Variants in CTNND2 observed in about 807,000 individuals in gnomAD.
The protein encoded by CTNND2 is catenin delta-2.
In CTNND2, 22 loss-of-function variants were observed where a neutral mutation model predicts 144.4. The ratio of observed to expected loss-of-function variants is 0.15; its 90% CI spans 0.11 to 0.22. The LOEUF (loss-of-function observed/expected upper bound fraction) is 0.22, where lower values mean the gene tolerates loss of function less well. Ranked by LOEUF, CTNND2 falls within the 10% of genes least tolerant of loss-of-function variation. The pLI is 1.00. For missense variants in CTNND2, 1,353 were observed against 1,618.8 expected (o/e 0.84, Z 2.82); for synonymous variants, 751 against 695.6 (o/e 1.08, Z -1.25).
At chr5:11,641,346 C>T (rs1016150551) in intron 2 of CTNND2, among the ~76,000 whole-genome samples, 4 of 151,970 alleles carry the variant, frequency 2.6e-5, no homozygotes, top group Non-Finnish European at 5.9e-5. Context: ...GGATAAACCA[C>T]ACTCTAATCT....
chr5:11,662,150 T>TATATATGTGTATATATAC (rs1783259419), intron 2 of CTNND2, among the ~76,000 whole-genome samples: 2 of 113,170 alleles, frequency 1.8e-5, no homozygotes, highest in African/African-American at 9.3e-5. Context: ...TATATACACA[T>TATATATGTGTATATATAC]ATATATGTGT....
At chr5:11,178,052 C>G in intron 11 of CTNND2, among the ~76,000 whole-genome samples, 1 of 152,150 alleles carries the variant, frequency 6.6e-6, no homozygotes. Flanking sequence ...GAAGAAGACA[C>G]AAAGTTGGCT....
chr5:11,902,472 C>T (rs1016865117), intron 1 of CTNND2, among the ~76,000 whole-genome samples: 4 of 152,124 alleles, frequency 2.6e-5, no homozygotes, highest in Admixed American at 2.0e-4. Context: ...GAATGACCAG[C>T]AGCAGAGACC....
intron 2 of CTNND2, among the ~76,000 whole-genome samples, chr5:11,729,828 T>C (rs1300629066): frequency 6.6e-6 from 1 of 152,180 alleles, no homozygotes; most frequent in Non-Finnish European, 1.5e-5. Flanking sequence ...CCTCCAAGCC[T>C]TAACTCTTAC....
rs938760512 is a variant in CTNND2, at chr5:11,220,156, T to C, written c.1761+16535A>G. On this transcript the variant is annotated intron_variant, in intron 10 of 21. Transcript: ENST00000304623. Reference sequence around the variant, plus strand: ...GGAAACATTTAACTCCTGGTATGCTTCTCCATCACCTGTGAAGATGGTAAA... The same window carrying C: ...GGAAACATTTAACTCCTGGTATGCTCCTCCATCACCTGTGAAGATGGTAAA... Among the ~76,000 whole-genome samples, 3 of 152,130 alleles carry C rather than the reference T, an allele frequency of 2.0e-5. No individual in the cohort carries two copies. In the East Asian group the frequency reaches 5.8e-4, roughly 29 times the overall value.
chr5:11,281,900 T>C (rs1747165792), intron 9 of CTNND2, among the ~76,000 whole-genome samples: 1 of 152,216 alleles, frequency 6.6e-6, no homozygotes, highest in Admixed American at 6.5e-5. Flanking sequence ...GGCTTTAACA[T>C]ATGAATTTTA....
In CTNND2 at chr5:11,370,451, C is replaced by A. The variant is rs183465522; in HGVS notation, c.1178-5561G>T. On this transcript the variant is annotated intron_variant, in intron 7 of 21. Transcript: ENST00000304623. ...AAGAGGAGATGGGCATATTTATTTTCAAAAAATAAGCATCTAATGTGTTAC... is the reference window on the plus strand; with the variant it reads ...AAGAGGAGATGGGCATATTTATTTTAAAAAAATAAGCATCTAATGTGTTAC... 2.4e-4 allele frequency among the ~76,000 whole-genome samples: 36 copies of A among 152,166 alleles called. No individual in the cohort carries two copies. The East Asian group carries it at 6.7e-3, about 29-fold the overall frequency.
rs561287446 is a variant in CTNND2 at position 11,381,213 on chromosome 5, G to A, written c.1177+3452C>T. On this transcript the variant is annotated intron_variant, in intron 7 of 21. Transcript: ENST00000304623. ...ATAATCACCTCTTGCTTAAATTACT[G>A]CAATCAGCTCCCAACTGACATTCTT... Among the ~76,000 whole-genome samples, 5 of 152,154 alleles carry A rather than the reference G, an allele frequency of 3.3e-5. No individual in the cohort carries two copies. The East Asian group carries it at 7.7e-4, about 24-fold the overall frequency.
At chr5:11,718,935 T>C (rs527692654) in intron 2 of CTNND2, among the ~76,000 whole-genome samples, 1 of 152,330 alleles carries the variant, frequency 6.6e-6, no homozygotes, top group South Asian at 2.1e-4. Flanking sequence ...TACTGCTTAA[T>C]TGTCTAAGAG....
intron 21 of CTNND2, among the ~76,000 whole-genome samples, chr5:10,974,426 A>G (rs1736197083): frequency 6.6e-6 from 1 of 152,234 alleles, no homozygotes; most frequent in African/African-American, 2.4e-5. Flanking sequence ...GTATGCATAG[A>G]CCACATTTTA....
At chr5:11,848,987 T>G (rs1794884766) in intron 1 of CTNND2, among the ~76,000 whole-genome samples, 1 of 151,964 alleles carries the variant, frequency 6.6e-6, no homozygotes. Context: ...CTGCTAAAGA[T>G]GAAGGTAGTA....
chr5:11,640,187 ACT>A (rs1240954251), intron 2 of CTNND2, among the ~76,000 whole-genome samples: 2 of 152,248 alleles, frequency 1.3e-5, no homozygotes, highest in East Asian at 3.8e-4. Flanking sequence ...TAATAGAAAA[ACT>A]CTGTTAACAA....
At chr5:11,442,026 A>G (rs1248696042) in intron 3 of CTNND2, among the ~76,000 whole-genome samples, 2 of 152,006 alleles carry the variant, frequency 1.3e-5, no homozygotes, top group African/African-American at 2.4e-5. Flanking sequence ...GTTTCTTTTT[A>G]TTACTTCCTA....
chr5:11,846,651 A>G (rs987778144), intron 1 of CTNND2, among the ~76,000 whole-genome samples: 2 of 152,158 alleles, frequency 1.3e-5, no homozygotes, highest in Non-Finnish European at 2.9e-5. Flanking sequence ...TAAAGTGAAG[A>G]GACACCCTAC....
At chr5:11,628,195 A>G (rs1468983485) in intron 2 of CTNND2, among the ~76,000 whole-genome samples, 3 of 152,208 alleles carry the variant, frequency 2.0e-5, no homozygotes, top group Non-Finnish European at 2.9e-5. Context: ...ATCCAAAAAG[A>G]CAGAATTTAA....
At chr5:11,464,220 C>A (rs369882667) in intron 3 of CTNND2, among the ~76,000 whole-genome samples, 4 of 151,978 alleles carry the variant, frequency 2.6e-5, no homozygotes, top group African/African-American at 9.7e-5. Context: ...TTGGGTGAGA[C>A]AGATAAACAA....
In CTNND2 at chr5:11,411,670, A is replaced by C; in HGVS notation, c.323-18T>G. 7.1e-7 allele frequency: 1 copy of C among 1,412,588 alleles called. No individual in the cohort carries two copies. Among genetic ancestry groups the C allele is most frequent in the Non-Finnish European group, 1.0e-6 (1 of 1,002,918 alleles). 87.5% of individuals were successfully genotyped at this position (1,412,588 alleles called of 1,614,324 possible). A position where few individuals can be genotyped will look rare whatever the true frequency, so the allele number is the denominator to read the frequency against. On this transcript the variant is annotated intron_variant, in intron 4 of 21. Coordinates refer to ENST00000304623, the MANE Select transcript of CTNND2 (RefSeq NM_001332.4). The stretch of plus-strand genomic sequence containing the variant: ...TTGACCATCTGAAATGAAATATTTT[A>C]AAGTGATGAACAAACACATGGTATA...
At chr5:11,032,989 T>G (rs1414341180) in intron 16 of CTNND2, among the ~76,000 whole-genome samples, 5 of 152,192 alleles carry the variant, frequency 3.3e-5, no homozygotes, top group African/African-American at 4.8e-5. Context: ...TATACTGCAA[T>G]GTTAATTTCC....
At chr5:11,729,799 G>A (rs76170793) in intron 2 of CTNND2, among the ~76,000 whole-genome samples, 2,072 of 152,232 alleles carry the variant, frequency 0.014, 22 homozygotes, top group East Asian at 0.057. Context: ...CCCATTTGGA[G>A]TGAAAAAGAA....
Sources: gnomAD v4.1 joint callset for allele counts (sites outside exome capture counted in the v4.1 genomes callset) on GRCh38, gnomAD v4.1.1 for gene constraint, MANE v1.5 for transcripts, NCBI Gene and HGNC (gene_info 2026-07-23, HGNC 2026-07-21) for gene names.